The following BLM variants were observed in gnomAD, a reference collection of about 807,000 sequenced individuals.
The protein encoded by BLM is recQ-like DNA helicase BLM.
Under a neutral mutation model 135.3 loss-of-function variants are expected in BLM, and 95 were observed. The ratio of observed to expected loss-of-function variants is 0.70; its 90% CI spans 0.59 to 0.83. The LOEUF (loss-of-function observed/expected upper bound fraction) is 0.83, where lower values mean the gene tolerates loss of function less well. Among genes scored for constraint, BLM ranks in the 40% least tolerant of loss-of-function variants. BLM has a pLI of 0.00. For synonymous variants in BLM, 520 were observed against 589.2 expected, an observed-to-expected ratio of 0.88 and a Z score of 1.70; for missense variants, 1,518 against 1,663.9, an observed-to-expected ratio of 0.91 and a Z score of 1.53.
intron 16 of BLM, among the ~76,000 whole-genome samples, chr15:90,796,478 G>A (rs1470159005): frequency 6.6e-6 from 1 of 152,170 alleles, no homozygotes; most frequent in Non-Finnish European, 1.5e-5. Flanking sequence ...TGCCATTGTA[G>A]TCTAAATGCA....
intron 5 of BLM, among the ~76,000 whole-genome samples, chr15:90,755,562 C>G (rs1165822101): frequency 6.6e-6 from 1 of 152,042 alleles, no homozygotes; most frequent in Non-Finnish European, 1.5e-5. Flanking sequence ...CGACAGTCCC[C>G]CTTCCCACTC....
chr15:90,734,326 C>A (rs542427576), intron 1 of BLM, among the ~76,000 whole-genome samples: 1 of 150,606 alleles, frequency 6.6e-6, no homozygotes, highest in African/African-American at 2.4e-5. Context: ...CTCACCCTGT[C>A]GCCCAGGCTG....
intron 1 of BLM, among the ~76,000 whole-genome samples, chr15:90,722,014 G>A (rs1894779268): frequency 6.6e-6 from 1 of 151,984 alleles, no homozygotes; most frequent in African/African-American, 2.4e-5. Context: ...AAGAGTTAAA[G>A]TGGCTCACGC....
chr15:90,790,921 C>A (rs1004463691), intron 15 of BLM, 77 bp downstream of exon 15: 22 of 1,401,986 alleles, frequency 1.6e-5, no homozygotes, highest in Non-Finnish European at 2.2e-5. Flanking sequence ...TATTGTGGTA[C>A]TTCTGGTCCA....
At chr15:90,798,112 T>A in intron 16 of BLM, 78 bp from the exon 17 acceptor site, 2 of 1,308,474 alleles carry the variant, frequency 1.5e-6, no homozygotes, top group Non-Finnish European at 2.1e-6. Flanking sequence ...ATGAATCTAC[T>A]ATAGTTAATA....
chr15:90,809,275 T>C lies in BLM; in HGVS notation c.3874+16T>C, dbSNP rs749327679. 2 of 1,614,090 alleles carry C rather than the reference T, an allele frequency of 1.2e-6. No homozygotes were observed. Among genetic ancestry groups the C allele is most frequent in the South Asian group, 1.1e-5 (1 of 91,082 alleles). On this transcript the variant is annotated intron_variant, in intron 20 of 21. Transcript: ENST00000355112. The stretch of plus-strand genomic sequence containing the variant: ...ACATCGCCAGGTTAGTACACAGCCA[T>C]GTGTGTTCTCTAAAAGCCTGTTTAA...
At chr15:90,786,253 C>T (rs749559891) in intron 14 of BLM, among the ~76,000 whole-genome samples, 3 of 152,028 alleles carry the variant, frequency 2.0e-5, no homozygotes, top group Non-Finnish European at 2.9e-5. Flanking sequence ...CTACCAAATT[C>T]CTGCGATTAT....
Position 90,754,682 on chromosome 15 carries a change from A to G in BLM, c.960-129A>G, listed in dbSNP as rs1895768427. On this transcript the variant is annotated intron_variant, in intron 4 of 21. Transcript: ENST00000355112. ...AGAAGTTTTATAATTGAGGAAATTT[A>G]AAAAACTACTTCTCTTTTCTGTTAT... 3.6e-6 allele frequency: 4 copies of G among 1,113,922 alleles called. No homozygotes were observed. The East Asian group carries it at 1.0e-4, about 29-fold the overall frequency. The allele number at this position is 1,113,922 out of a possible 1,614,324, so 69.0% of individuals were successfully genotyped here.
At chr15:90,806,246 C>T (rs1243106898) in intron 19 of BLM, among the ~76,000 whole-genome samples, 2 of 152,116 alleles carry the variant, frequency 1.3e-5, no homozygotes, top group East Asian at 1.9e-4. Flanking sequence ...GGCCGTGGCT[C>T]ACGCCTGTAA....
chr15:90,792,729 C>T (rs1896936554), intron 15 of BLM, among the ~76,000 whole-genome samples: 2 of 152,102 alleles, frequency 1.3e-5, no homozygotes, highest in South Asian at 4.1e-4. Flanking sequence ...TTCATCTTCA[C>T]AATAACCCTC....
chr15:90,755,119 T>C (rs1895784856), intron 5 of BLM, 181 bp downstream of exon 5: 1 of 712,612 alleles, frequency 1.4e-6, no homozygotes, highest in Admixed American at 3.0e-5. Flanking sequence ...GAACAACTCA[T>C]GAACTCATGC....
At chr15:90,796,272 C>T (rs898930039) in intron 16 of BLM, among the ~76,000 whole-genome samples, 1 of 152,140 alleles carries the variant, frequency 6.6e-6, no homozygotes, top group African/African-American at 2.4e-5. Context: ...ATTCTGAAAA[C>T]AGACTGGTGG....
At chr15:90,741,724 G>C (rs2151140873) in intron 1 of BLM, among the ~76,000 whole-genome samples, 1 of 152,096 alleles carries the variant, frequency 6.6e-6, no homozygotes, top group Admixed American at 6.5e-5. Flanking sequence ...GGTTGTATTG[G>C]TATATTATCA....
intron 21 of BLM, among the ~76,000 whole-genome samples, chr15:90,811,911 G>A (rs1241619020): frequency 1.3e-5 from 2 of 152,116 alleles, no homozygotes; most frequent in African/African-American, 4.8e-5. Flanking sequence ...GCCCACTTTG[G>A]TCTCCCCAAA....
chr15:90,746,962 A>C (rs975450783), intron 1 of BLM, among the ~76,000 whole-genome samples: 1 of 152,072 alleles, frequency 6.6e-6, no homozygotes, highest in Admixed American at 6.5e-5. Flanking sequence ...TGCAGAATTC[A>C]GTTATTCATT....
At chr15:90,808,887 C>T (rs1897341743) in intron 19 of BLM, 5 of 555,282 alleles carry the variant, frequency 9.0e-6, no homozygotes, top group Non-Finnish European at 1.6e-5. Flanking sequence ...TCAGCTTCCT[C>T]CTGCCCTGGC....
rs1297274221 is a variant in BLM, at chr15:90,794,342, T to C, written c.3195T>C (p.Asn1065=). 8 of 1,597,258 alleles carry C rather than the reference T, an allele frequency of 5.0e-6. No homozygotes were observed. The highest frequency in any genetic ancestry group is 3.4e-5 in the Admixed American group (2 of 58,222). ...AACACCCAGATGTTTCTTGTGATAATTGCTGTAAAACAAAGGTAAAAAAAG... is the reference window on the plus strand; with the variant it reads ...AACACCCAGATGTTTCTTGTGATAACTGCTGTAAAACAAAGGTAAAAAAAG... ...CKKHPDVSCD[N]CCKTKDYKTR... is the part of the protein sequence containing the mutation. Residue 1065 remains asparagine (N), a synonymous_variant, in exon 16 of 22, where the codon AAT becomes AAC. Coordinates refer to ENST00000355112, the MANE Select transcript of BLM (RefSeq NM_000057.4).
chr15:90,770,331 C>A (rs555181879), intron 12 of BLM, among the ~76,000 whole-genome samples: 1 of 152,036 alleles, frequency 6.6e-6, no homozygotes, highest in Non-Finnish European at 1.5e-5. Flanking sequence ...CCCGCCACCA[C>A]GCCAGGCTAA....
At chr15:90,812,963 T>A (rs2151200946) in intron 21 of BLM, among the ~76,000 whole-genome samples, 1 of 152,324 alleles carries the variant, frequency 6.6e-6, no homozygotes, top group South Asian at 2.1e-4. Flanking sequence ...TGGGAAATAC[T>A]CATTTCCTCA....
Sources: gnomAD v4.1 joint callset for allele counts (sites outside exome capture counted in the v4.1 genomes callset) on GRCh38, gnomAD v4.1.1 for gene constraint, MANE v1.5 for transcripts, NCBI Gene and HGNC (gene_info 2026-07-23, HGNC 2026-07-21) for gene names.